Variants in TTC28 observed in about 807,000 individuals in gnomAD.
TTC28 encodes tetratricopeptide repeat domain 28, also known as tetratricopeptide repeat protein 28.
TTC28 carries 61 observed loss-of-function variants against 198.0 expected under a neutral mutation model. The ratio of observed to expected loss-of-function variants is 0.31; its 90% CI spans 0.25 to 0.38. TTC28 has a LOEUF of 0.38. Ranked by LOEUF, TTC28 falls within the 10% of genes least tolerant of loss-of-function variation. The pLI is 1.00. For missense variants in TTC28, 2,678 were observed against 3,164.0 expected (o/e 0.85, Z 3.69); for synonymous variants, 1,171 against 1,297.8 (o/e 0.90, Z 2.10).
intron 1 of TTC28, among the ~76,000 whole-genome samples, chr22:28,633,054 C>T (rs548295324): frequency 2.1e-4 from 32 of 151,546 alleles, no homozygotes; most frequent in African/African-American, 7.5e-4. Flanking sequence ...CCGAGGTGGG[C>T]GGATCACCTG....
intron 5 of TTC28, among the ~76,000 whole-genome samples, chr22:28,260,466 T>C (rs1334265813): frequency 6.6e-6 from 1 of 152,154 alleles, no homozygotes; most frequent in East Asian, 1.9e-4. Flanking sequence ...AACAATTCCA[T>C]ATTTTTGTGA....
At chr22:28,659,870 C>A (rs560824209) in intron 1 of TTC28, among the ~76,000 whole-genome samples, 1 of 151,814 alleles carries the variant, frequency 6.6e-6, no homozygotes, top group South Asian at 2.1e-4. Flanking sequence ...ATGATCATGG[C>A]TCACTGCAAC....
intron 2 of TTC28, among the ~76,000 whole-genome samples, chr22:28,624,491 T>C (rs2051047957): frequency 6.6e-6 from 1 of 151,906 alleles, no homozygotes; most frequent in East Asian, 1.9e-4. Context: ...ACAACCTAGA[T>C]TAAATGAAAA....
At chr22:28,546,407 A>G (rs778050600) in intron 2 of TTC28, among the ~76,000 whole-genome samples, 3 of 152,124 alleles carry the variant, frequency 2.0e-5, no homozygotes, top group Non-Finnish European at 2.9e-5. Context: ...GAGGGCACCA[A>G]TGCACTCCAG....
chr22:28,256,796 T>G (rs1007992928), intron 5 of TTC28, among the ~76,000 whole-genome samples: 1 of 152,212 alleles, frequency 6.6e-6, no homozygotes, highest in African/African-American at 2.4e-5. Flanking sequence ...CTCAGCATTT[T>G]GGGAAGCTGA....
chr22:28,084,556 G>A (rs527993080), intron 12 of TTC28, among the ~76,000 whole-genome samples: 1 of 152,216 alleles, frequency 6.6e-6, no homozygotes, highest in African/African-American at 2.4e-5. Context: ...CCACAAAGAT[G>A]GGGAAAAAAC....
chr22:28,085,827 C>A (rs1202283744), intron 12 of TTC28, among the ~76,000 whole-genome samples: 2 of 151,872 alleles, frequency 1.3e-5, no homozygotes, highest in South Asian at 2.1e-4. Context: ...ATCTACCAAG[C>A]AAATGGAAAA....
intron 2 of TTC28, among the ~76,000 whole-genome samples, chr22:28,470,313 A>T (rs1254927346): frequency 6.6e-6 from 1 of 152,186 alleles, no homozygotes; most frequent in Admixed American, 6.5e-5. Flanking sequence ...TCACGTTTTC[A>T]TGCAGCTTAG....
intron 13 of TTC28, among the ~76,000 whole-genome samples, chr22:28,020,268 T>C (rs575047515): frequency 4.6e-5 from 7 of 152,260 alleles, no homozygotes; most frequent in Non-Finnish European, 7.3e-5. Flanking sequence ...CCAGTTGGAC[T>C]GACAGCCTAG....
Position 28,438,295 on chromosome 22 carries a change from G to A in TTC28, c.382-131652C>T, listed in dbSNP as rs1023963953. Among the ~76,000 whole-genome samples, 7 of 152,178 alleles carry A rather than the reference G, an allele frequency of 4.6e-5. 1 individual carries two copies. Among genetic ancestry groups the A allele is most frequent in the Non-Finnish European group, 1.0e-4 (7 of 68,020 alleles). On this transcript the variant is annotated intron_variant, in intron 2 of 22. Coordinates refer to ENST00000397906, the MANE Select transcript of TTC28 (RefSeq NM_001145418.2). ...CAGAAACAAAGTACTCCATCATAGA[G>A]AAAGCATAGGGACTTGAAATACATT...
intron 2 of TTC28, among the ~76,000 whole-genome samples, chr22:28,538,560 T>TC (rs1032077160): frequency 2.1e-5 from 3 of 145,106 alleles, no homozygotes; most frequent in African/African-American, 7.7e-5. Flanking sequence ...CTTTCTCTTT[T>TC]TTTTTTTTTT....
rs550442139 is a variant in TTC28 at position 28,305,792 on chromosome 22, A to G, written c.529+704T>C. 1.2e-3 allele frequency among the ~76,000 whole-genome samples: 186 copies of G among 152,274 alleles called. 1 individual carries two copies. The highest frequency in any genetic ancestry group is 1.8e-3 in the Non-Finnish European group (125 of 68,024). The stretch of plus-strand genomic sequence containing the variant: ...TTTAGTCAAATCTTCCCAAGAATTC[A>G]TTCCTCAAAAATCAACATTCCTCAA... On this transcript the variant is annotated intron_variant, in intron 3 of 22. Coordinates refer to ENST00000397906, the MANE Select transcript of TTC28 (RefSeq NM_001145418.2).
At chr22:28,409,304 C>G (rs147619945) in intron 2 of TTC28, among the ~76,000 whole-genome samples, 46 of 152,276 alleles carry the variant, frequency 3.0e-4, no homozygotes, top group Non-Finnish European at 5.6e-4. Context: ...TCATCTAATT[C>G]AATCTCTTAT....
At chr22:28,442,568 G>C (rs981452519) in intron 2 of TTC28, among the ~76,000 whole-genome samples, 1 of 152,258 alleles carries the variant, frequency 6.6e-6, no homozygotes, top group African/African-American at 2.4e-5. Flanking sequence ...GCAACACCTA[G>C]TAGGTCTTGG....
rs1490048510 is a variant in TTC28 at position 28,033,947 on chromosome 22, A to G, written c.3933-3581T>C. The stretch of plus-strand genomic sequence containing the variant: ...TCTGCAACATGAAAAATAAATTATT[A>G]CATAGTAGTACATGTATGTATATAG... On this transcript the variant is annotated intron_variant, in intron 12 of 22. Transcript: ENST00000397906. Among the ~76,000 whole-genome samples, 17 of 152,252 alleles carry G rather than the reference A, an allele frequency of 1.1e-4. No individual in the cohort carries two copies. The South Asian group carries it at 3.3e-3, about 30-fold the overall frequency.
At chr22:28,010,688 C>G (rs977815233) in intron 14 of TTC28, among the ~76,000 whole-genome samples, 1 of 152,184 alleles carries the variant, frequency 6.6e-6, no homozygotes, top group African/African-American at 2.4e-5. Context: ...ACTGTGCTGG[C>G]TGGCAGAGGC....
Position 28,256,534 on chromosome 22 carries a change from A to G in TTC28, c.933+39664T>C, listed in dbSNP as rs539189619. Among the ~76,000 whole-genome samples the G allele has an allele frequency of 3.3e-5, 5 of 152,318 alleles. No homozygotes were observed. The South Asian group carries it at 1.0e-3, about 32-fold the overall frequency. On this transcript the variant is annotated intron_variant, in intron 5 of 22. Coordinates refer to ENST00000397906, the MANE Select transcript of TTC28 (RefSeq NM_001145418.2). ...GTAAAGATTCAATGCGTCTCTATCA[A>G]AATGTCAATGACATTATTCACAGAA...
At chr22:28,606,265 A>G (rs906983150) in intron 2 of TTC28, among the ~76,000 whole-genome samples, 6 of 151,378 alleles carry the variant, frequency 4.0e-5, no homozygotes, top group Non-Finnish European at 8.8e-5. Context: ...TTTCTTTTTT[A>G]TCTTTAGTAG....
At chr22:28,412,953 T>C (rs2047105224) in intron 2 of TTC28, among the ~76,000 whole-genome samples, 1 of 152,238 alleles carries the variant, frequency 6.6e-6, no homozygotes. Context: ...ATACAATCTA[T>C]GTTCCTTTTC....
Sources: gnomAD v4.1 joint callset for allele counts (sites outside exome capture counted in the v4.1 genomes callset) on GRCh38, gnomAD v4.1.1 for gene constraint, MANE v1.5 for transcripts, NCBI Gene and HGNC (gene_info 2026-07-23, HGNC 2026-07-21) for gene names.